Variants in CCDC157 observed in about 807,000 individuals in gnomAD.
CCDC157 encodes coiled-coil domain-containing protein 157.
In CCDC157, 60 loss-of-function variants were observed where a neutral mutation model predicts 70.9. The observed-to-expected ratio is 0.85, with a 90% CI of 0.69 to 1.05. The LOEUF (loss-of-function observed/expected upper bound fraction) is 1.05, where lower values mean the gene tolerates loss of function less well. Ranked by LOEUF, CCDC157 falls within the 50% of genes least tolerant of loss-of-function variation. CCDC157 has a pLI of 0.00. For missense variants in CCDC157, 943 were observed against 984.2 expected (o/e 0.96, Z 0.56); for synonymous variants, 373 against 422.4 (o/e 0.88, Z 1.43).
At chr22:30,375,324 C>T (rs1933271542) in intron 9 of CCDC157, 155 bp from the exon 10 acceptor site, 2 of 662,202 alleles carry the variant, frequency 3.0e-6, no homozygotes, top group Admixed American at 5.9e-5. Flanking sequence ...TGGTCATCTT[C>T]CCTGCAGGTT....
At chr22:30,363,812 C>G (rs1204919517) in intron 2 of CCDC157, among the ~76,000 whole-genome samples, 3 of 151,446 alleles carry the variant, frequency 2.0e-5, no homozygotes, top group African/African-American at 7.3e-5. Flanking sequence ...CTCAGCCTCC[C>G]AAGTATCTGG....
At chr22:30,367,745 C>T (rs993061351) in intron 3 of CCDC157, among the ~76,000 whole-genome samples, 55 of 151,834 alleles carry the variant, frequency 3.6e-4, no homozygotes, top group African/African-American at 1.1e-3. Context: ...AGGGTTCTAG[C>T]GCTCAAATGC....
chr22:30,374,007 C>CG lies in CCDC157; in HGVS notation c.1591dup (p.Glu531GlyfsTer128). The CG allele has an allele frequency of 6.2e-7, 1 of 1,612,272 alleles. No homozygotes were observed. Reference sequence around the variant, plus strand: ...GCGGCTAACCATCCTGGAGCTAGAACGGGAGCTGGAGGAGCTGAAGGAGCG... The same window carrying CG: ...GCGGCTAACCATCCTGGAGCTAGAACGGGGAGCTGGAGGAGCTGAAGGAGCG... On this transcript the variant is annotated frameshift_variant, in exon 9 of 12. Coordinates refer to ENST00000338306, the MANE Select transcript of CCDC157 (RefSeq NM_001017437.5). LOFTEE classifies it high-confidence loss of function.
At position 30,373,673 on chromosome 22, in the gene CCDC157, G is replaced by C; in HGVS notation, c.1412G>C (p.Ser471Thr). ...LDQEREELRG[S>T]LDEAEAQRAR... is the part of the protein sequence containing the mutation. Reference sequence around the variant, plus strand: ...CAGGAACGTGAGGAGCTGCGGGGCAGCCTGGACGAGGCTGAGGCCCAGCGG... The same window carrying C: ...CAGGAACGTGAGGAGCTGCGGGGCACCCTGGACGAGGCTGAGGCCCAGCGG... Residue 471 changes from serine to threonine, a missense_variant, in exon 8 of 12, where the codon AGC (serine) becomes ACC (threonine). Ser to Thr is a moderately conservative substitution (Grantham distance 58). Transcript: ENST00000338306. 6.4e-7 allele frequency: 1 copy of C among 1,556,382 alleles called. No homozygotes were observed. The highest frequency in any genetic ancestry group is 8.7e-7 in the Non-Finnish European group (1 of 1,150,090).
At position 30,366,056 on chromosome 22, in the gene CCDC157, C is replaced by G; in HGVS notation, c.56C>G (p.Thr19Ser). Residue 19 changes from threonine (T) to serine (S), a missense_variant, in exon 3 of 12, where the codon ACC (threonine) becomes AGC (serine). Coordinates refer to ENST00000338306, the MANE Select transcript of CCDC157 (RefSeq NM_001017437.5). ...ATGGAGAGCCTGCGCACAGACCTCA[C>G]CGACCTGCAGGGTGCCATCGTAGAC... Reference protein sequence around the residue: ...ACMESLRTDLTDLQGAIVDVF... With the variant: ...ACMESLRTDLSDLQGAIVDVF... The G allele has an allele frequency of 1.2e-6, 2 of 1,607,064 alleles. No homozygotes were observed. Among genetic ancestry groups the G allele is most frequent in the South Asian group, 2.2e-5 (2 of 91,082 alleles).
At position 30,369,566 on chromosome 22, in the gene CCDC157, TGAGGCTG is replaced by T. The variant is rs768103721; in HGVS notation, c.385_391del (p.Arg129AlafsTer36). On this transcript the variant is annotated frameshift_variant, in exon 4 of 12. Transcript: ENST00000338306. LOFTEE classifies it high-confidence loss of function. ...GTGCGGCGCTTCTGGGACAGCCTGCTGAGGCTGGGCACGCTCCACCAGCAGCCACTCC... is the reference window on the plus strand; with the variant it reads ...GTGCGGCGCTTCTGGGACAGCCTGCTGGCACGCTCCACCAGCAGCCACTCC... The T allele has an allele frequency of 1.3e-6, 2 of 1,596,158 alleles. No individual in the cohort carries two copies. The highest frequency in any genetic ancestry group is 2.7e-5 in the African/African-American group (2 of 74,134).
At chr22:30,370,209 A>C (rs1932873417) in intron 4 of CCDC157, 117 bp from the exon 5 acceptor site, 11 of 1,117,142 alleles carry the variant, frequency 9.8e-6, no homozygotes, top group Non-Finnish European at 1.4e-5. Context: ...AGAACATTTG[A>C]GGGTCTGAGT....
At position 30,373,700 on chromosome 22, in the gene CCDC157, C is replaced by A; in HGVS notation, c.1439C>A (p.Ala480Asp). The change falls in exon 8 of 12, where the codon GCC (alanine) becomes GAC (aspartate). Residue 480 changes from alanine (A) to aspartate (D), a missense_variant. Ala to Asp is a moderately radical substitution (Grantham distance 126). Coordinates refer to ENST00000338306, the MANE Select transcript of CCDC157 (RefSeq NM_001017437.5). Reference protein sequence around the residue: ...GSLDEAEAQRARVEEQLQSER... With the variant: ...GSLDEAEAQRDRVEEQLQSER... ...CTGGACGAGGCTGAGGCCCAGCGGG[C>A]CCGCGTGGAGGAGCAGCTGCAGAGC... The A allele has an allele frequency of 1.3e-6, 2 of 1,553,150 alleles. No individual in the cohort carries two copies. The highest frequency in any genetic ancestry group is 1.7e-6 in the Non-Finnish European group (2 of 1,148,692).
chr22:30,365,720 G>A (rs1267137793), intron 2 of CCDC157, among the ~76,000 whole-genome samples: 1 of 152,166 alleles, frequency 6.6e-6, no homozygotes, highest in African/African-American at 2.4e-5. Flanking sequence ...CTTGAGCAGG[G>A]GGCCCAACAT....
At chr22:30,372,388 G>A in intron 7 of CCDC157, 102 bp downstream of exon 7, 1 of 1,388,628 alleles carries the variant, frequency 7.2e-7, no homozygotes, top group Non-Finnish European at 9.5e-7. Flanking sequence ...TTGGGCATCT[G>A]CTCCCTGAGA....
intron 9 of CCDC157, chr22:30,374,614 T>A (rs5749082): frequency 0.79 from 362,193 of 456,944 alleles, 145,325 homozygotes; most frequent in African/African-American, 0.93. Flanking sequence ...GGGCAAATCC[T>A]TTTGCAGAGC....
At chr22:30,371,524 C>A in intron 5 of CCDC157, 126 bp from the exon 6 acceptor site, 1 of 767,328 alleles carries the variant, frequency 1.3e-6, no homozygotes, top group Non-Finnish European at 2.2e-6. Flanking sequence ...TAGAGCTCCT[C>A]CCATGGCCGC....
chr22:30,368,933 C>A (rs994036299), intron 3 of CCDC157: 1 of 152,576 alleles, frequency 6.6e-6, no homozygotes, highest in African/African-American at 2.4e-5. Context: ...TCCACTGTCA[C>A]AGAAGCAGCT....
intron 9 of CCDC157, 118 bp downstream of exon 9, chr22:30,374,209 C>G: frequency 7.9e-7 from 1 of 1,271,920 alleles, no homozygotes; most frequent in Non-Finnish European, 1.1e-6. Context: ...GGTGTTAAAG[C>G]CAGGCGGCCA....
intron 2 of CCDC157, 72 bp from the exon 3 acceptor site, chr22:30,365,918 G>A (rs952102507): frequency 2.0e-5 from 28 of 1,400,728 alleles, no homozygotes; most frequent in Non-Finnish European, 2.3e-5. Flanking sequence ...GGGCAGATGA[G>A]GGTTTCAGGG....
intron 5 of CCDC157, 118 bp downstream of exon 5, chr22:30,371,068 G>A: frequency 7.8e-7 from 1 of 1,283,182 alleles, no homozygotes; most frequent in Non-Finnish European, 1.1e-6. Flanking sequence ...CCCAGGCTGG[G>A]ACACAGGCAA....
rs1295736252 is a variant in CCDC157 at position 30,373,768 on chromosome 22, A to C, written c.1503+4A>C. Reference sequence around the variant, plus strand: ...ATGCCAGCTCAGGGCCCAGCAGGTGAGGGTGGGGGTCTTCCTTTTTGCCAG... The same window carrying C: ...ATGCCAGCTCAGGGCCCAGCAGGTGCGGGTGGGGGTCTTCCTTTTTGCCAG... On this transcript the variant is annotated splice_donor_region_variant and intron_variant, in intron 8 of 11. Transcript: ENST00000338306. 1 of 1,546,842 alleles carries C rather than the reference A, an allele frequency of 6.5e-7. No individual in the cohort carries two copies. Among genetic ancestry groups the C allele is most frequent in the Non-Finnish European group, 8.7e-7 (1 of 1,144,604 alleles).
intron 1 of CCDC157, among the ~76,000 whole-genome samples, chr22:30,357,358 A>G (rs1206426196): frequency 6.6e-6 from 1 of 151,944 alleles, no homozygotes; most frequent in African/African-American, 2.4e-5. Context: ...ACATCCTCCA[A>G]GCCCCGCTTC....
intron 1 of CCDC157, among the ~76,000 whole-genome samples, chr22:30,361,306 A>G (rs737950): frequency 0.88 from 131,906 of 150,730 alleles, 58,075 homozygotes; most frequent in African/African-American, 0.97. Context: ...GAGGGAGGGC[A>G]TGGATTTAGT....
Sources: allele counts gnomAD v4.1 joint callset (sites outside exome capture counted in the v4.1 genomes callset), GRCh38; gene constraint gnomAD v4.1.1; transcripts MANE v1.5; gene names NCBI Gene and HGNC (gene_info 2026-07-23, HGNC 2026-07-21).